The following PXT1 variants were observed in gnomAD, a reference collection of about 807,000 sequenced individuals.
The protein encoded by PXT1 is peroxisomal testis enriched protein 1, also known as peroxisomal testis-specific protein 1.
PXT1 carries 11 observed loss-of-function variants against 11.0 expected under a neutral mutation model. That is an observed-to-expected ratio of 1.00 (90% CI 0.63 to 1.66). PXT1 has a LOEUF of 1.66. Among genes scored for constraint, PXT1 ranks in the 40% most tolerant of loss-of-function variants. PXT1 has a pLI of 0.00. For missense variants in PXT1, 141 were observed against 155.5 expected (o/e 0.91, Z 0.49); for synonymous variants, 43 against 51.4 (o/e 0.84, Z 0.70).
chr6:36,397,129 T>C (rs1774155509), intron 4 of PXT1, among the ~76,000 whole-genome samples: 1 of 152,234 alleles, frequency 6.6e-6, no homozygotes, highest in Non-Finnish European at 1.5e-5. Context: ...TTCACTTGTC[T>C]GCATACCTCA....
At chr6:36,414,468 G>C (rs1227308241) in intron 3 of PXT1, among the ~76,000 whole-genome samples, 2 of 152,092 alleles carry the variant, frequency 1.3e-5, no homozygotes, top group Non-Finnish European at 2.9e-5. Context: ...ATTAAAATGT[G>C]GTTTAAGTTT....
chr6:36,423,655 C>T (rs1445531790), intron 3 of PXT1, among the ~76,000 whole-genome samples: 1 of 152,134 alleles, frequency 6.6e-6, no homozygotes, highest in African/African-American at 2.4e-5. Flanking sequence ...CCCCTCACAC[C>T]GCCCCCTCAT....
chr6:36,420,567 T>C (rs763380067), intron 3 of PXT1, among the ~76,000 whole-genome samples: 9 of 151,340 alleles, frequency 5.9e-5, no homozygotes, highest in Non-Finnish European at 1.3e-4. Context: ...ACTGGGGGAG[T>C]GAGAACTGAG....
intron 3 of PXT1, among the ~76,000 whole-genome samples, chr6:36,402,544 A>G (rs949699032): frequency 1.3e-5 from 2 of 152,238 alleles, no homozygotes; most frequent in Non-Finnish European, 2.9e-5. Context: ...GACATCTGAA[A>G]CGAAGTAGGT....
At chr6:36,423,489 GC>G (rs1561931641) in intron 3 of PXT1, among the ~76,000 whole-genome samples, 1 of 152,238 alleles carries the variant, frequency 6.6e-6, no homozygotes, top group Non-Finnish European at 1.5e-5. Context: ...TGGCGACGCG[GC>G]CGGCGGCGGC....
intron 1 of PXT1, among the ~76,000 whole-genome samples, chr6:36,440,847 G>A (rs910169414): frequency 6.6e-6 from 1 of 152,122 alleles, no homozygotes; most frequent in African/African-American, 2.4e-5. Flanking sequence ...TATTTTGGAT[G>A]ATGGATAACG....
intron 4 of PXT1, among the ~76,000 whole-genome samples, chr6:36,392,383 A>C (rs1774081979): frequency 1.3e-5 from 2 of 152,092 alleles, no homozygotes; most frequent in African/African-American, 2.4e-5. Flanking sequence ...AAGAATGGAG[A>C]GAAGACTGGG....
At chr6:36,403,158 C>T (rs1298282707) in intron 3 of PXT1, among the ~76,000 whole-genome samples, 1 of 152,096 alleles carries the variant, frequency 6.6e-6, no homozygotes, top group African/African-American at 2.4e-5. Flanking sequence ...TGCACCTGGC[C>T]AGTATTTTCT....
intron 3 of PXT1, among the ~76,000 whole-genome samples, chr6:36,424,644 AACAAAAACAAAT>A (rs1774576755): frequency 6.6e-6 from 1 of 152,176 alleles, no homozygotes; most frequent in Non-Finnish European, 1.5e-5. Flanking sequence ...GTCTCAAAAA[AACAAAAACAAAT>A]ACAAAAACAG....
chr6:36,395,134 T>C (rs1340634523), intron 4 of PXT1, among the ~76,000 whole-genome samples: 1 of 152,130 alleles, frequency 6.6e-6, no homozygotes, highest in Non-Finnish European at 1.5e-5. Context: ...CTAAAAGATG[T>C]TATTTTGAGA....
At chr6:36,439,916 T>C (rs1434887627) in intron 1 of PXT1, among the ~76,000 whole-genome samples, 1 of 151,994 alleles carries the variant, frequency 6.6e-6, no homozygotes, top group Non-Finnish European at 1.5e-5. Flanking sequence ...GCCTGGGCAA[T>C]ATAGTGAGAC....
At chr6:36,414,325 A>G (rs1250465053) in intron 3 of PXT1, among the ~76,000 whole-genome samples, 1 of 152,168 alleles carries the variant, frequency 6.6e-6, no homozygotes, top group Admixed American at 6.6e-5. Flanking sequence ...AAGTGATTGT[A>G]TGGTTTAGAA....
intron 2 of PXT1, among the ~76,000 whole-genome samples, chr6:36,438,030 G>C (rs931645851): frequency 2.0e-5 from 3 of 151,050 alleles, no homozygotes; most frequent in African/African-American, 7.3e-5. Context: ...ATGTTGATCA[G>C]GCTGGTCTCG....
At chr6:36,399,165 G>A (rs1774181708) in intron 4 of PXT1, among the ~76,000 whole-genome samples, 1 of 131,240 alleles carries the variant, frequency 7.6e-6, no homozygotes, top group Admixed American at 7.5e-5. Flanking sequence ...TCATTTTTTG[G>A]GACAGAGTCT....
intron 2 of PXT1, among the ~76,000 whole-genome samples, chr6:36,427,292 T>C (rs1774622680): frequency 6.6e-6 from 1 of 151,584 alleles, no homozygotes; most frequent in African/African-American, 2.4e-5. Context: ...TGAGCCACCA[T>C]GCCCGGCCGC....
chr6:36,425,406 G>A (rs1275264142), intron 3 of PXT1, among the ~76,000 whole-genome samples: 1 of 152,160 alleles, frequency 6.6e-6, no homozygotes, highest in Non-Finnish European at 1.5e-5. Context: ...AAGAGATTTA[G>A]TACCATGAAG....
At chr6:36,426,392 C>T (rs2145751) in intron 2 of PXT1, among the ~76,000 whole-genome samples, 27,409 of 86,570 alleles carry the variant, frequency 0.32, 3,967 homozygotes, top group East Asian at 0.47. Flanking sequence ...TTTTTTGAGA[C>T]GAAGTTTTGC....
At chr6:36,419,645 A>G (rs1774495712) in intron 3 of PXT1, among the ~76,000 whole-genome samples, 1 of 152,212 alleles carries the variant, frequency 6.6e-6, no homozygotes, top group South Asian at 2.1e-4. Context: ...TGCCCTATAC[A>G]TAGGAAGTAC....
intron 3 of PXT1, among the ~76,000 whole-genome samples, chr6:36,414,020 T>G (rs62405060): frequency 0.019 from 2,936 of 152,118 alleles, 39 homozygotes; most frequent in Non-Finnish European, 0.027. Flanking sequence ...AAATAAAAAT[T>G]AAAAATATGG....
Sources: allele counts gnomAD v4.1 joint callset (sites outside exome capture counted in the v4.1 genomes callset), GRCh38; gene constraint gnomAD v4.1.1; transcripts MANE v1.5; gene names NCBI Gene and HGNC (gene_info 2026-07-23, HGNC 2026-07-21).